Variants in SEC23IP observed in about 807,000 individuals in gnomAD.
The protein encoded by SEC23IP is SEC23-interacting protein.
SEC23IP carries 70 observed loss-of-function variants against 113.4 expected under a neutral mutation model. That is an observed-to-expected ratio of 0.62 (90% CI 0.51 to 0.75). SEC23IP has a LOEUF of 0.75. Ranked by LOEUF, SEC23IP falls within the 30% of genes least tolerant of loss-of-function variation. The probability of loss-of-function intolerance (pLI) is 0.00; values close to 1 mark genes in which losing one functional copy is unlikely to be tolerated. For synonymous variants in SEC23IP, 398 were observed against 421.0 expected, an observed-to-expected ratio of 0.95 and a Z score of 0.67; for missense variants, 1,160 against 1,204.9, an observed-to-expected ratio of 0.96 and a Z score of 0.55.
intron 11 of SEC23IP, 82 bp from the exon 12 acceptor site, chr10:119,920,807 G>A: frequency 2.1e-6 from 2 of 939,288 alleles, no homozygotes; most frequent in Non-Finnish European, 3.3e-6. Flanking sequence ...TAGATGATGT[G>A]GTTTCTTTAT....
intron 1 of SEC23IP, among the ~76,000 whole-genome samples, chr10:119,897,866 G>A (rs1261024279): frequency 2.6e-5 from 4 of 151,510 alleles, no homozygotes; most frequent in African/African-American, 9.7e-5. Context: ...TTAGCTGGGT[G>A]TGGTGGTGGG....
At chr10:119,915,277 C>T (rs1338091331) in intron 7 of SEC23IP, among the ~76,000 whole-genome samples, 1 of 152,110 alleles carries the variant, frequency 6.6e-6, no homozygotes, top group East Asian at 1.9e-4. Context: ...TCATTTGACC[C>T]TCACAAATAA....
At chr10:119,930,466 G>T in intron 15 of SEC23IP, 35 bp downstream of exon 15, 1 of 1,267,472 alleles carries the variant, frequency 7.9e-7, no homozygotes, top group East Asian at 2.3e-5. Flanking sequence ...TTTTTTTCCT[G>T]TCATTTGTAA....
rs1467515111 is a variant in SEC23IP at position 119,892,762 on chromosome 10, A to T, written c.-21A>T. The T allele has an allele frequency of 1.3e-6, 2 of 1,593,620 alleles. No homozygotes were observed. Among genetic ancestry groups the T allele is most frequent in the African/African-American group, 1.3e-5 (1 of 74,754 alleles). On this transcript the variant is annotated 5_prime_UTR_variant, in exon 1 of 19. Coordinates refer to ENST00000369075, the MANE Select transcript of SEC23IP (RefSeq NM_007190.4). ...TGGTACCGGGTACCCGGAGACGTGT[A>T]TCGGACGGTGGGCCGCAGCCATGGC...
In SEC23IP at chr10:119,933,170, A is replaced by G. The variant is rs1855661905; in HGVS notation, c.2921+3A>G. The stretch of plus-strand genomic sequence containing the variant: ...CTTCAGAGTCACTTATGCTATTGGT[A>G]AGTGTTCTTAAATTTGGTAACATTT... On this transcript the variant is annotated splice_donor_region_variant and intron_variant, in intron 17 of 18. Coordinates refer to ENST00000369075, the MANE Select transcript of SEC23IP (RefSeq NM_007190.4). The G allele has an allele frequency of 1.2e-6, 2 of 1,611,958 alleles. No individual in the cohort carries two copies. The highest frequency in any genetic ancestry group is 1.7e-6 in the Non-Finnish European group (2 of 1,178,894).
At chr10:119,901,218 G>T (rs957590113) in intron 2 of SEC23IP, among the ~76,000 whole-genome samples, 14 of 151,852 alleles carry the variant, frequency 9.2e-5, no homozygotes, top group Admixed American at 2.6e-4. Flanking sequence ...TGTTGCTCAT[G>T]TTGGGCTCAA....
rs1855409492 is a variant in SEC23IP, at chr10:119,926,080, A to G, written c.2166A>G (p.Thr722=). ...AGAAGGCAGTGGCGGCCACTTCTACAAAAGGACAAGAGCAAAGTGCCCAGA... is the reference window on the plus strand; with the variant it reads ...AGAAGGCAGTGGCGGCCACTTCTACGAAAGGACAAGAGCAAAGTGCCCAGA... ...SEKKAVAATS[T]KGQEQSAQKT... The change falls in exon 13 of 19, where the codon ACA becomes ACG. Residue 722 remains threonine (T), a synonymous_variant. Transcript: ENST00000369075. The G allele has an allele frequency of 1.9e-6, 3 of 1,614,026 alleles. No individual in the cohort carries two copies. The South Asian group carries it at 3.3e-5, about 18-fold the overall frequency.
At chr10:119,895,973 A>G (rs1854271309) in intron 1 of SEC23IP, among the ~76,000 whole-genome samples, 1 of 152,214 alleles carries the variant, frequency 6.6e-6, no homozygotes, top group Non-Finnish European at 1.5e-5. Flanking sequence ...GATTTTCAAC[A>G]AGGCAGTGAA....
In SEC23IP at chr10:119,939,156, T is replaced by TA. The variant is rs565366577; in HGVS notation, c.*21-1417dup. ...AGACATTACTTGTCTCTACTAAAAG[T>TA]AAAAAAAAAAAAATCACTGGGGCAT... On this transcript the variant is annotated intron_variant, in intron 18 of 18. Transcript: ENST00000369075. Among the ~76,000 whole-genome samples, 643 of 140,404 alleles carry TA rather than the reference T, an allele frequency of 4.6e-3. 2 individuals carry two copies. The highest frequency in any genetic ancestry group is 0.011 in the African/African-American group (434 of 38,268). The allele number at this position is 140,404 out of a possible 152,430, so 92.1% of individuals were successfully genotyped here.
rs1021225108 is a variant in SEC23IP, at chr10:119,918,020, G to A, written c.1729G>A (p.Val577Ile). Residue 577 changes from valine (V) to isoleucine (I), a missense_variant, in exon 9 of 19, where the codon GTC becomes ATC. Val to Ile is a conservative substitution (Grantham distance 29, BLOSUM62 3). Coordinates refer to ENST00000369075, the MANE Select transcript of SEC23IP (RefSeq NM_007190.4). ...MSRNPDFKGG[V>I]SVAGHSLGSL... ...TCGGAACCCAGACTTCAAAGGAGGT[G>A]TCTCTGTTGCTGGTCACAGTTTAGG... is the stretch of plus-strand genomic sequence containing the variant. 13 of 1,613,814 alleles carry A rather than the reference G, an allele frequency of 8.1e-6. No individual in the cohort carries two copies. The highest frequency in any genetic ancestry group is 1.3e-5 in the African/African-American group (1 of 74,942).
chr10:119,922,025 T>C (rs543713870), intron 12 of SEC23IP, among the ~76,000 whole-genome samples: 3 of 152,298 alleles, frequency 2.0e-5, no homozygotes, highest in African/African-American at 7.2e-5. Context: ...TCAGGCACTG[T>C]GTTCAATTCT....
chr10:119,898,618 GCT>G lies in SEC23IP; in HGVS notation c.359_360del (p.Leu120ProfsTer42), dbSNP rs1564903877. ...GQSGFPKPLTALPFTTGSQDV... is the reference protein window; with the variant it reads ...GQSGFPKPLTXLPFTTGSQDV... ...ATCAGGATTCCCCAAGCCCCTGACT[GCT>G]CTCCCTTTTACAACTGGATCCCAAG... On this transcript the variant is annotated frameshift_variant, in exon 2 of 19. Coordinates refer to ENST00000369075, the MANE Select transcript of SEC23IP (RefSeq NM_007190.4). LOFTEE classifies it high-confidence loss of function. The G allele has an allele frequency of 6.2e-7, 1 of 1,614,190 alleles. No homozygotes were observed. The highest frequency in any genetic ancestry group is 1.1e-5 in the South Asian group (1 of 91,082).
chr10:119,918,393 G>T lies in SEC23IP; in HGVS notation c.1754G>T (p.Gly585Val). 6.4e-7 allele frequency: 1 copy of T among 1,563,164 alleles called. No homozygotes were observed. The highest frequency in any genetic ancestry group is 1.1e-5 in the South Asian group (1 of 89,500). ...AAGGCAAAATGTTTCTTTTTCATAGGTTCTTTAATATTGTTTGACATCCTG... is the reference window on the plus strand; with the variant it reads ...AAGGCAAAATGTTTCTTTTTCATAGTTTCTTTAATATTGTTTGACATCCTG... ...GGVSVAGHSLGSLILFDILSN... is the reference protein window; with the variant it reads ...GGVSVAGHSLVSLILFDILSN... Residue 585 changes from glycine (G) to valine (V), a missense_variant and splice_region_variant, in exon 10 of 19, where the codon GGT becomes GTT. Coordinates refer to ENST00000369075, the MANE Select transcript of SEC23IP (RefSeq NM_007190.4).
intron 1 of SEC23IP, among the ~76,000 whole-genome samples, chr10:119,897,186 G>A (rs576523672): frequency 6.6e-6 from 1 of 152,328 alleles, no homozygotes; most frequent in Admixed American, 6.5e-5. Flanking sequence ...CCTCCAGCAA[G>A]GAGGTAAGAG....
rs1158403001 is a variant in SEC23IP, at chr10:119,915,764, G to T, written c.1419G>T (p.Val473=). The T allele has an allele frequency of 2.5e-6, 4 of 1,571,920 alleles. No individual in the cohort carries two copies. The highest frequency in any genetic ancestry group is 1.8e-5 in the Admixed American group (1 of 56,000). The change falls in exon 8 of 19, where the codon GTG becomes GTT. Residue 473 remains valine (V), a synonymous_variant. Coordinates refer to ENST00000369075, the MANE Select transcript of SEC23IP (RefSeq NM_007190.4). ...SIIECVDDFR[V]VSLKLLRTHF... ...CTTTTGAAGTGGATGATTTTAGGGT[G>T]GTTTCTCTCAAATTGCTGCGGACAC...
intron 18 of SEC23IP, among the ~76,000 whole-genome samples, chr10:119,938,921 A>T (rs549253118): frequency 6.6e-6 from 1 of 152,328 alleles, no homozygotes; most frequent in South Asian, 2.1e-4. Context: ...GTTAACAATT[A>T]TTCTATACAT....
chr10:119,899,083 ATTC>A (rs1854390509), intron 2 of SEC23IP, 124 bp downstream of exon 2: 1 of 855,524 alleles, frequency 1.2e-6, no homozygotes, highest in African/African-American at 1.7e-5. Context: ...TTCAGAGGGT[ATTC>A]TTTGTAAGCT....
rs773179910 is a variant in SEC23IP, at chr10:119,919,606, A to G, written c.2025+10A>G. On this transcript the variant is annotated intron_variant, in intron 11 of 18. Transcript: ENST00000369075. ...TGATATGGAGTCCCTGGTACTGATC[A>G]TAGTTTGCTTCATTTTGTTTGAAAT... is the stretch of plus-strand genomic sequence containing the variant. The G allele has an allele frequency of 6.4e-7, 1 of 1,563,572 alleles. No individual in the cohort carries two copies. The highest frequency in any genetic ancestry group is 8.6e-7 in the Non-Finnish European group (1 of 1,161,430).
At chr10:119,906,621 G>T (rs1403299189) in intron 4 of SEC23IP, among the ~76,000 whole-genome samples, 1 of 152,014 alleles carries the variant, frequency 6.6e-6, no homozygotes, top group Non-Finnish European at 1.5e-5. Flanking sequence ...TGTCCCCCAG[G>T]GTGGAGTGCA....
Sources: gnomAD v4.1 joint callset for allele counts (sites outside exome capture counted in the v4.1 genomes callset) on GRCh38, gnomAD v4.1.1 for gene constraint, MANE v1.5 for transcripts, NCBI Gene and HGNC (gene_info 2026-07-23, HGNC 2026-07-21) for gene names.